Variants in PCCA observed in about 807,000 individuals in gnomAD.
PCCA encodes the protein propionyl-CoA carboxylase alpha chain, mitochondrial.
A neutral mutation model predicts 101.3 loss-of-function variants in PCCA; 74 were observed. That is an observed-to-expected ratio of 0.73 (90% CI 0.61 to 0.89). The LOEUF (loss-of-function observed/expected upper bound fraction) is 0.89, where lower values mean the gene tolerates loss of function less well. Ranked by LOEUF, PCCA falls within the 40% of genes least tolerant of loss-of-function variation. The pLI is 0.00. For synonymous variants in PCCA, 294 were observed against 313.6 expected, an observed-to-expected ratio of 0.94 and a Z score of 0.66; for missense variants, 891 against 907.0, an observed-to-expected ratio of 0.98 and a Z score of 0.23.
intron 22 of PCCA, among the ~76,000 whole-genome samples, chr13:100,518,957 C>T (rs2087031531): frequency 6.6e-6 from 1 of 152,132 alleles, no homozygotes; most frequent in South Asian, 2.1e-4. Flanking sequence ...TTCCACATGT[C>T]AAATTAGACT....
chr13:100,508,864 G>A (rs990829488), intron 21 of PCCA, among the ~76,000 whole-genome samples: 1 of 152,236 alleles, frequency 6.6e-6, no homozygotes, highest in Non-Finnish European at 1.5e-5. Flanking sequence ...CATCCTGAGA[G>A]TCCTTGATGT....
intron 4 of PCCA, among the ~76,000 whole-genome samples, chr13:100,132,075 A>G (rs1277366273): frequency 1.3e-5 from 2 of 152,162 alleles, no homozygotes; most frequent in African/African-American, 2.4e-5. Context: ...AGAAAGTTAG[A>G]TAGGGCTAAT....
At chr13:100,406,659 A>G (rs1421036173) in intron 19 of PCCA, among the ~76,000 whole-genome samples, 1 of 152,240 alleles carries the variant, frequency 6.6e-6, no homozygotes, top group African/African-American at 2.4e-5. Context: ...AGCTGAGATC[A>G]TGCCATTGCA....
chr13:100,306,721 T>C (rs1039461531), intron 14 of PCCA, among the ~76,000 whole-genome samples: 5 of 150,812 alleles, frequency 3.3e-5, no homozygotes, highest in African/African-American at 7.3e-5. Context: ...AGAAAAATAG[T>C]GTTTTACAGT....
chr13:100,514,419 G>A (rs1475080620), intron 21 of PCCA, among the ~76,000 whole-genome samples: 1 of 152,178 alleles, frequency 6.6e-6, no homozygotes, highest in Non-Finnish European at 1.5e-5. Flanking sequence ...GAGGCTTTGA[G>A]TTACAGCAGG....
intron 6 of PCCA, among the ~76,000 whole-genome samples, chr13:100,159,522 C>T (rs1017457411): frequency 1.3e-5 from 2 of 151,946 alleles, no homozygotes; most frequent in African/African-American, 2.4e-5. Flanking sequence ...AGTCATGTTA[C>T]GGAAAATAAG....
intron 19 of PCCA, among the ~76,000 whole-genome samples, chr13:100,403,734 G>A (rs2077505319): frequency 6.6e-6 from 1 of 152,198 alleles, no homozygotes; most frequent in South Asian, 2.1e-4. Context: ...GAAAAAAAAC[G>A]GGGGAACAGG....
At chr13:100,362,540 G>A (rs1351324836) in intron 18 of PCCA, among the ~76,000 whole-genome samples, 1 of 152,142 alleles carries the variant, frequency 6.6e-6, no homozygotes, top group Non-Finnish European at 1.5e-5. Flanking sequence ...GCTTTTGTAG[G>A]TCTGCACTTG....
intron 21 of PCCA, among the ~76,000 whole-genome samples, chr13:100,463,227 C>G (rs2082284680): frequency 6.6e-6 from 1 of 151,822 alleles, no homozygotes; most frequent in Admixed American, 6.6e-5. Context: ...CAAGATGACA[C>G]AAGACCATTC....
intron 6 of PCCA, among the ~76,000 whole-genome samples, chr13:100,177,906 C>CT (rs571616005): frequency 2.9e-4 from 44 of 149,226 alleles, no homozygotes; most frequent in Middle Eastern, 3.5e-3. Context: ...TGAAGGAGAT[C>CT]TTTTTTTTTT....
rs1566847618 is a variant in PCCA, at chr13:100,276,974, TA to T, written c.1065+3633del. On this transcript the variant is annotated intron_variant, in intron 12 of 23. Coordinates refer to ENST00000376285, the MANE Select transcript of PCCA (RefSeq NM_000282.4). ...ATTATACTGTCATATACAGTTATTT[TA>T]AAAATTGTTATTAATCAAAACCTAA... is the stretch of plus-strand genomic sequence containing the variant. 2.0e-5 allele frequency among the ~76,000 whole-genome samples: 3 copies of T among 152,326 alleles called. No individual in the cohort carries two copies. In the East Asian group the frequency reaches 5.8e-4, roughly 29 times the overall value.
chr13:100,445,714 G>A (rs1488630726), intron 20 of PCCA, among the ~76,000 whole-genome samples: 5 of 151,928 alleles, frequency 3.3e-5, no homozygotes, highest in African/African-American at 9.7e-5. Flanking sequence ...AATGTCTTCC[G>A]GGTTCATCCA....
At chr13:100,143,153 G>T (rs371382249) in intron 4 of PCCA, among the ~76,000 whole-genome samples, 8 of 152,114 alleles carry the variant, frequency 5.3e-5, no homozygotes, top group Non-Finnish European at 1.2e-4. Flanking sequence ...AGGAACTTCT[G>T]TTCCTGGTAG....
intron 16 of PCCA, among the ~76,000 whole-genome samples, chr13:100,329,183 T>C (rs1318199020): frequency 1.3e-5 from 2 of 152,198 alleles, no homozygotes; most frequent in African/African-American, 4.8e-5. Flanking sequence ...TTTCTCGCTT[T>C]GTTTTTTTGC....
At position 100,188,294 on chromosome 13, in the gene PCCA, AAAAACAAAACAAAAC is replaced by A. The variant is rs60307671; in HGVS notation, c.469-21018_469-21004del. The stretch of plus-strand genomic sequence containing the variant: ...GCGACAGAGCAAGACTCTGTCTCAA[AAAAACAAAACAAAAC>A]AAAACAAAACAAAACAAAAACACAA... On this transcript the variant is annotated intron_variant, in intron 6 of 23. Coordinates refer to ENST00000376285, the MANE Select transcript of PCCA (RefSeq NM_000282.4). Among the ~76,000 whole-genome samples the A allele has an allele frequency of 2.0e-5, 3 of 146,898 alleles. No individual in the cohort carries two copies. The South Asian group carries it at 6.6e-4, about 32-fold the overall frequency.
intron 21 of PCCA, among the ~76,000 whole-genome samples, chr13:100,451,616 T>C (rs942283418): frequency 1.3e-5 from 2 of 151,966 alleles, no homozygotes; most frequent in Admixed American, 6.6e-5. Flanking sequence ...GAAAAGTTTC[T>C]CCCTCAGTTT....
chr13:100,433,967 A>G (rs1048149443), intron 20 of PCCA, among the ~76,000 whole-genome samples: 2 of 152,266 alleles, frequency 1.3e-5, no homozygotes, highest in South Asian at 2.1e-4. Context: ...TTAATGAAGA[A>G]TGGGCAGCCG....
intron 6 of PCCA, among the ~76,000 whole-genome samples, chr13:100,206,628 T>C (rs570047713): frequency 6.6e-5 from 10 of 152,292 alleles, no homozygotes; most frequent in African/African-American, 2.4e-4. Flanking sequence ...GGCACTCAAC[T>C]TGGTGCTTTA....
intron 12 of PCCA, among the ~76,000 whole-genome samples, chr13:100,276,435 A>G (rs1566846704): frequency 6.6e-6 from 1 of 152,110 alleles, no homozygotes; most frequent in Non-Finnish European, 1.5e-5. Context: ...GTGTACATGT[A>G]TACATGGAAT....
Sources: gnomAD v4.1 joint callset for allele counts (sites outside exome capture counted in the v4.1 genomes callset) on GRCh38, gnomAD v4.1.1 for gene constraint, MANE v1.5 for transcripts, NCBI Gene and HGNC (gene_info 2026-07-23, HGNC 2026-07-21) for gene names.